The following PLCB1 variants were observed in gnomAD, a reference collection of about 807,000 sequenced individuals.
PLCB1 encodes the protein 1-phosphatidylinositol 4,5-bisphosphate phosphodiesterase beta-1.
A neutral mutation model predicts 161.8 loss-of-function variants in PLCB1; 46 were observed. That is an observed-to-expected ratio of 0.28 (90% CI 0.22 to 0.36). The LOEUF is 0.36. Among genes scored for constraint, PLCB1 ranks in the 10% least tolerant of loss-of-function variants. PLCB1 has a pLI of 1.00. For missense variants in PLCB1, 1,016 were observed against 1,472.5 expected (o/e 0.69, Z 5.07); for synonymous variants, 517 against 503.7 (o/e 1.03, Z -0.35).
At chr20:8,347,654 A>T (rs945774806) in intron 2 of PLCB1, among the ~76,000 whole-genome samples, 2 of 152,236 alleles carry the variant, frequency 1.3e-5, no homozygotes, top group African/African-American at 4.8e-5. Context: ...TTGTCAAAAA[A>T]TATTGTTGGA....
chr20:8,871,729 G>A (rs1286622959), intron 31 of PLCB1, among the ~76,000 whole-genome samples: 1 of 152,120 alleles, frequency 6.6e-6, no homozygotes, highest in Admixed American at 6.5e-5. Context: ...TACCATAACT[G>A]ACCAAATAAT....
chr20:8,563,355 T>TG (rs1476354691), intron 3 of PLCB1, among the ~76,000 whole-genome samples: 1 of 152,062 alleles, frequency 6.6e-6, no homozygotes, highest in Admixed American at 6.6e-5. Context: ...ACAGGGGCTC[T>TG]GTCCTTAGAT....
intron 27 of PLCB1, among the ~76,000 whole-genome samples, chr20:8,781,634 A>G (rs1983244027): frequency 6.6e-6 from 1 of 152,086 alleles, no homozygotes; most frequent in African/African-American, 2.4e-5. Flanking sequence ...CACATGGCTG[A>G]TAAAGACATA....
intron 2 of PLCB1, among the ~76,000 whole-genome samples, chr20:8,196,207 A>G (rs886206596): frequency 2.0e-5 from 3 of 152,242 alleles, no homozygotes; most frequent in African/African-American, 7.2e-5. Context: ...CCATATCAGC[A>G]TTCTTGGCAA....
At chr20:8,628,185 TA>T in intron 3 of PLCB1, 108 bp from the exon 4 acceptor site, 3 of 892,508 alleles carry the variant, frequency 3.4e-6, no homozygotes, top group African/African-American at 1.7e-5. Flanking sequence ...CTAGTAAGAA[TA>T]AAAGCAACTT....
chr20:8,571,477 G>A (rs983184036), intron 3 of PLCB1, among the ~76,000 whole-genome samples: 8 of 151,962 alleles, frequency 5.3e-5, no homozygotes, highest in South Asian at 2.1e-4. Context: ...GTGATACTCC[G>A]TCTCAAAAAA....
At chr20:8,750,389 A>G (rs554583178) in intron 23 of PLCB1, among the ~76,000 whole-genome samples, 172 of 152,280 alleles carry the variant, frequency 1.1e-3, no homozygotes, top group African/African-American at 3.9e-3. Context: ...CAAAATTAGG[A>G]GTTTTGACAT....
At chr20:8,296,214 A>G (rs2745754) in intron 2 of PLCB1, among the ~76,000 whole-genome samples, 2,071 of 152,300 alleles carry the variant, frequency 0.014, 46 homozygotes, top group African/African-American at 0.046. Context: ...TGCTGTAGAA[A>G]GACATACATG....
At chr20:8,702,654 A>G (rs1251753874) in intron 11 of PLCB1, among the ~76,000 whole-genome samples, 2 of 152,174 alleles carry the variant, frequency 1.3e-5, no homozygotes, top group Non-Finnish European at 2.9e-5. Context: ...ATTGAACCAT[A>G]TGGCTTATAG....
At chr20:8,739,390 T>A (rs1279532591) in intron 21 of PLCB1, 30 bp downstream of exon 21, 2 of 1,360,970 alleles carry the variant, frequency 1.5e-6, no homozygotes, top group Admixed American at 3.4e-5. Context: ...AAACCTTTTA[T>A]CAAAGTTGCA....
chr20:8,569,124 A>G (rs1568511931), intron 3 of PLCB1, among the ~76,000 whole-genome samples: 2 of 152,208 alleles, frequency 1.3e-5, no homozygotes, highest in East Asian at 3.9e-4. Context: ...TGCTCATCCC[A>G]TACTTGGGCC....
intron 3 of PLCB1, among the ~76,000 whole-genome samples, chr20:8,463,314 G>A (rs1302562499): frequency 6.6e-6 from 1 of 151,980 alleles, no homozygotes; most frequent in African/African-American, 2.4e-5. Flanking sequence ...GAGACCTTCT[G>A]TGTACCCTTC....
At chr20:8,865,820 T>A (rs1393685737) in intron 31 of PLCB1, among the ~76,000 whole-genome samples, 1 of 152,194 alleles carries the variant, frequency 6.6e-6, no homozygotes, top group Non-Finnish European at 1.5e-5. Context: ...ACATTGTCCT[T>A]GGATTTGGCA....
chr20:8,280,390 G>A (rs1982816780), intron 2 of PLCB1, among the ~76,000 whole-genome samples: 1 of 151,898 alleles, frequency 6.6e-6, no homozygotes, highest in Admixed American at 6.6e-5. Context: ...TATGTGTTGA[G>A]GTTGGTAATA....
intron 3 of PLCB1, among the ~76,000 whole-genome samples, chr20:8,459,755 A>G (rs1472002979): frequency 6.6e-6 from 1 of 152,142 alleles, no homozygotes; most frequent in African/African-American, 2.4e-5. Flanking sequence ...TCCCTTGCCT[A>G]TTGTATCCAA....
intron 3 of PLCB1, among the ~76,000 whole-genome samples, chr20:8,469,569 TA>T (rs937805663): frequency 2.6e-5 from 4 of 151,894 alleles, no homozygotes; most frequent in African/African-American, 4.8e-5. Context: ...GCTTCTTTTT[TA>T]AAAAAAAGTA....
At chr20:8,233,819 G>A (rs995797029) in intron 2 of PLCB1, among the ~76,000 whole-genome samples, 1 of 151,998 alleles carries the variant, frequency 6.6e-6, no homozygotes, top group Non-Finnish European at 1.5e-5. Context: ...TTATTCTTAC[G>A]TCAATGAAAC....
intron 31 of PLCB1, among the ~76,000 whole-genome samples, chr20:8,829,661 A>G (rs1985887849): frequency 6.6e-6 from 1 of 152,194 alleles, no homozygotes; most frequent in African/African-American, 2.4e-5. Context: ...AAAATCAGCC[A>G]TTTTGACATT....
chr20:8,454,114 C>T (rs1217571166), intron 3 of PLCB1, among the ~76,000 whole-genome samples: 2 of 152,126 alleles, frequency 1.3e-5, no homozygotes, highest in Admixed American at 1.3e-4. Context: ...GTCTTCTCAC[C>T]TCCAGAATTG....
Sources: allele counts gnomAD v4.1 joint callset (sites outside exome capture counted in the v4.1 genomes callset), GRCh38; gene constraint gnomAD v4.1.1; transcripts MANE v1.5; gene names NCBI Gene and HGNC (gene_info 2026-07-23, HGNC 2026-07-21).